The following GOT2 variants were observed in gnomAD, a reference collection of about 807,000 sequenced individuals.
GOT2 encodes aspartate aminotransferase, mitochondrial.
GOT2 carries 17 observed loss-of-function variants against 50.0 expected under a neutral mutation model. The ratio of observed to expected loss-of-function variants is 0.34; its 90% CI spans 0.23 to 0.51. GOT2 has a LOEUF of 0.51. Ranked by LOEUF, GOT2 falls within the 20% of genes least tolerant of loss-of-function variation. The pLI, the probability that GOT2 is intolerant of heterozygous loss-of-function variation, is 0.97. For missense variants in GOT2, 430 were observed against 559.6 expected, an observed-to-expected ratio of 0.77 and a Z score of 2.34; for synonymous variants, 172 against 204.9, an observed-to-expected ratio of 0.84 and a Z score of 1.37.
rs2044761506 is a variant in GOT2 at position 58,723,919 on chromosome 16, A to G, written c.90-17T>C. On this transcript the variant is annotated splice_polypyrimidine_tract_variant and intron_variant, in intron 1 of 9. Coordinates refer to ENST00000245206, the MANE Select transcript of GOT2 (RefSeq NM_002080.4). Reference sequence around the variant, plus strand: ...CACCAGGAGCTGAAATGAGAAACACATTAGCTCAATCCCATTAGCTAGATC... The same window carrying G: ...CACCAGGAGCTGAAATGAGAAACACGTTAGCTCAATCCCATTAGCTAGATC... The G allele has an allele frequency of 6.2e-7, 1 of 1,608,848 alleles. No individual in the cohort carries two copies. The highest frequency in any genetic ancestry group is 8.5e-7 in the Non-Finnish European group (1 of 1,176,206).
intron 1 of GOT2, among the ~76,000 whole-genome samples, chr16:58,725,476 T>C (rs1448424394): frequency 3.9e-5 from 6 of 152,284 alleles, no homozygotes; most frequent in South Asian, 2.1e-4. Context: ...TTACAATGAA[T>C]TGATTAACAG....
At chr16:58,722,311 T>C in intron 2 of GOT2, 33 bp from the exon 3 acceptor site, 1 of 1,603,130 alleles carries the variant, frequency 6.2e-7, no homozygotes, top group Non-Finnish European at 8.5e-7. Context: ...ATTGAATTTC[T>C]TCTCCTTACT....
intron 8 of GOT2, among the ~76,000 whole-genome samples, chr16:58,712,522 G>GAAC (rs10676089): frequency 0.6 from 90,379 of 150,668 alleles, 27,410 homozygotes; most frequent in Middle Eastern, 0.81. Context: ...ACAACAACAA[G>GAAC]AACAACAACA....
intron 3 of GOT2, among the ~76,000 whole-genome samples, chr16:58,720,767 C>CG (rs372309383): frequency 0.027 from 4,103 of 151,496 alleles, 173 homozygotes; most frequent in African/African-American, 0.089. Flanking sequence ...TTAGTAGAGA[C>CG]GGGGGGGCGG....
chr16:58,711,890 A>C (rs1193431903), intron 8 of GOT2, among the ~76,000 whole-genome samples: 1 of 152,104 alleles, frequency 6.6e-6, no homozygotes. Flanking sequence ...TTGACTTCTT[A>C]CAGTATCAAC....
chr16:58,708,416 T>C, intron 9 of GOT2, 123 bp from the exon 10 acceptor site: 1 of 922,170 alleles, frequency 1.1e-6, no homozygotes, highest in African/African-American at 1.7e-5. Flanking sequence ...TCCCAGAATT[T>C]GCTGTTAGCT....
At chr16:58,709,078 A>G in intron 9 of GOT2, 1 of 178,106 alleles carries the variant, frequency 5.6e-6, no homozygotes. Context: ...CCCGGGCAAC[A>G]TGGCGAAACT....
At position 58,708,356 on chromosome 16, in the gene GOT2, T is replaced by A. The variant is rs573007474; in HGVS notation, c.1171-63A>T. 3 of 1,545,780 alleles carry A rather than the reference T, an allele frequency of 1.9e-6. No individual in the cohort carries two copies. The South Asian group carries it at 3.5e-5, about 18-fold the overall frequency. Reference sequence around the variant, plus strand: ...ACAGGGGATTCTCCCCGGCCTGACATGGCACAGTAGCCAACTTACCAACGC... The same window carrying A: ...ACAGGGGATTCTCCCCGGCCTGACAAGGCACAGTAGCCAACTTACCAACGC... On this transcript the variant is annotated intron_variant, in intron 9 of 9. Coordinates refer to ENST00000245206, the MANE Select transcript of GOT2 (RefSeq NM_002080.4).
At chr16:58,715,958 T>C in intron 8 of GOT2, 56 bp downstream of exon 8, 1 of 1,395,394 alleles carries the variant, frequency 7.2e-7, no homozygotes, top group South Asian at 1.3e-5. Flanking sequence ...AAAACTAACT[T>C]TGAAGGAGCA....
Position 58,722,213 on chromosome 16 carries a change from T to G in GOT2, c.312A>C (p.Glu104Asp). ...CTAGTTCTGCAGATGCCTTGCAAAATTCAGCCAGTCCCCCAATGGGCAGGT... is the reference window on the plus strand; with the variant it reads ...CTAGTTCTGCAGATGCCTTGCAAAAGTCAGCCAGTCCCCCAATGGGCAGGT... Reference protein sequence around the residue: ...KEYLPIGGLAEFCKASAELAL... With the variant: ...KEYLPIGGLADFCKASAELAL... The change falls in exon 3 of 10, where the codon GAA (glutamate) becomes GAC (aspartate). Residue 104 changes from glutamate to aspartate, a missense_variant. Glu to Asp is a conservative substitution (Grantham distance 45). Coordinates refer to ENST00000245206, the MANE Select transcript of GOT2 (RefSeq NM_002080.4). 6.2e-7 allele frequency: 1 copy of G among 1,612,832 alleles called. No individual in the cohort carries two copies. The highest frequency in any genetic ancestry group is 8.5e-7 in the Non-Finnish European group (1 of 1,179,996).
At chr16:58,725,335 G>C (rs2044775037) in intron 1 of GOT2, among the ~76,000 whole-genome samples, 1 of 151,582 alleles carries the variant, frequency 6.6e-6, no homozygotes, top group Non-Finnish European at 1.5e-5. Context: ...GGCTGGTCTT[G>C]AACTCCTGAC....
At chr16:58,729,508 A>AG (rs1012293939) in intron 1 of GOT2, among the ~76,000 whole-genome samples, 4 of 151,270 alleles carry the variant, frequency 2.6e-5, no homozygotes, top group African/African-American at 7.3e-5. Flanking sequence ...GAAAAAAAAA[A>AG]AAAAAGAAAA....
At chr16:58,720,710 C>T (rs1401049500) in intron 3 of GOT2, among the ~76,000 whole-genome samples, 1 of 151,896 alleles carries the variant, frequency 6.6e-6, no homozygotes, top group Non-Finnish European at 1.5e-5. Context: ...TCCCCAGTAG[C>T]TGAGACTACA....
chr16:58,719,304 G>C, intron 3 of GOT2, 49 bp from the exon 4 acceptor site: 1 of 1,339,984 alleles, frequency 7.5e-7, no homozygotes, highest in Non-Finnish European at 1.1e-6. Flanking sequence ...TCTCTATACA[G>C]GCCCAGACCC....
At chr16:58,729,003 T>C (rs538406946) in intron 1 of GOT2, among the ~76,000 whole-genome samples, 3 of 152,010 alleles carry the variant, frequency 2.0e-5, no homozygotes, top group Non-Finnish European at 4.4e-5. Context: ...TGCTTTTCAA[T>C]TACTACTGCA....
chr16:58,731,010 CTACT>C (rs2044831244), intron 1 of GOT2, among the ~76,000 whole-genome samples: 1 of 152,284 alleles, frequency 6.6e-6, no homozygotes, highest in East Asian at 1.9e-4. Context: ...GAGCTTAAGC[CTACT>C]TAAAGTTTTA....
chr16:58,715,145 G>T (rs1204873032), intron 8 of GOT2, among the ~76,000 whole-genome samples: 1 of 152,000 alleles, frequency 6.6e-6, no homozygotes, highest in Non-Finnish European at 1.5e-5. Flanking sequence ...GGAGTTTGAG[G>T]AGACCAGCCT....
In GOT2 at chr16:58,716,113, T is replaced by C; in HGVS notation, c.920A>G (p.Gln307Arg). 1 of 1,613,986 alleles carries C rather than the reference T, an allele frequency of 6.2e-7. No individual in the cohort carries two copies. Among genetic ancestry groups the C allele is most frequent in the Non-Finnish European group, 8.5e-7 (1 of 1,179,882 alleles). The part of the protein sequence containing the change: ...DADEAKRVES[Q>R]LKILIRPMYS... ...CATGGGACGGATCAAGATCTTCAAC[T>C]GTGACTCTACCCTTTTGGCTTCATC... The change falls in exon 8 of 10, where the codon CAG (glutamine) becomes CGG (arginine). Residue 307 changes from glutamine (Q) to arginine (R), a missense_variant. Gln to Arg is a conservative substitution (Grantham distance 43). Transcript: ENST00000245206.
chr16:58,711,886 T>G (rs546091037), intron 8 of GOT2, among the ~76,000 whole-genome samples: 43 of 152,202 alleles, frequency 2.8e-4, no homozygotes, highest in African/African-American at 1.0e-3. Context: ...AGTGTTGACT[T>G]CTTACAGTAT....
Sources: gnomAD v4.1 joint callset for allele counts (sites outside exome capture counted in the v4.1 genomes callset) on GRCh38, gnomAD v4.1.1 for gene constraint, MANE v1.5 for transcripts, NCBI Gene and HGNC (gene_info 2026-07-23, HGNC 2026-07-21) for gene names.